The following APBB2 variants were observed in gnomAD, a reference collection of about 807,000 sequenced individuals.
The protein encoded by APBB2 is amyloid beta precursor protein binding family B member 2.
Under a neutral mutation model 82.5 loss-of-function variants are expected in APBB2, and 38 were observed. The observed-to-expected ratio is 0.46, with a 90% confidence interval of 0.36 to 0.60. APBB2 has a LOEUF of 0.60. APBB2 is among the 20% of genes least tolerant of loss of function. The pLI, the probability that APBB2 is intolerant of heterozygous loss-of-function variation, is 0.00. For synonymous variants in APBB2, 341 were observed against 368.2 expected, an observed-to-expected ratio of 0.93 and a Z score of 0.85; for missense variants, 772 against 972.3, an observed-to-expected ratio of 0.79 and a Z score of 2.74.
At chr4:40,838,329 AT>A (rs780767835) in intron 12 of APBB2, among the ~76,000 whole-genome samples, 138 of 72,252 alleles carry the variant, frequency 1.9e-3, no homozygotes, top group African/African-American at 3.3e-3. Flanking sequence ...CACATGGCTA[AT>A]TTTTTTTTTT....
rs1398052534 is a variant in APBB2, at chr4:41,160,781, A to G, written c.-416-17639T>C. 2.0e-5 allele frequency among the ~76,000 whole-genome samples: 3 copies of G among 152,224 alleles called. No individual in the cohort carries two copies. In the East Asian group the frequency reaches 5.8e-4, roughly 29 times the overall value. On this transcript the variant is annotated intron_variant, in intron 1 of 17. Coordinates refer to ENST00000508593, the MANE Select transcript of APBB2 (RefSeq NM_004307.2). ...ATGACAAATGTGCTTAAACCTCAAC[A>G]TGCCTTACAAGAACTGAAAATCCAA...
chr4:40,961,772 A>T (rs558067568), intron 6 of APBB2, among the ~76,000 whole-genome samples: 19 of 146,706 alleles, frequency 1.3e-4, no homozygotes, highest in Non-Finnish European at 2.7e-4. Context: ...ATATAACTTC[A>T]TCGGTTATGA....
At chr4:40,935,202 G>C in intron 7 of APBB2, 63 bp from the exon 8 acceptor site, 30 of 806,644 alleles carry the variant, frequency 3.7e-5, no homozygotes, top group Non-Finnish European at 4.6e-5. Context: ...GAAAAGAAAA[G>C]AAAAAAAAAA....
At chr4:40,985,985 C>A (rs539226422) in intron 6 of APBB2, among the ~76,000 whole-genome samples, 4 of 152,144 alleles carry the variant, frequency 2.6e-5, no homozygotes, top group African/African-American at 9.7e-5. Flanking sequence ...ATAAGTGACA[C>A]ATAAATAACA....
chr4:41,092,545 C>T (rs1443071507), intron 3 of APBB2, among the ~76,000 whole-genome samples: 2 of 152,140 alleles, frequency 1.3e-5, no homozygotes, highest in South Asian at 2.1e-4. Flanking sequence ...AAAAATTAGC[C>T]AGGCATGGTG....
rs888830460 is a variant in APBB2, at chr4:41,136,771, G to T, written c.-261+6216C>A. ...TGTGCCAGAGAAGGGAAATGTCTCT[G>T]CATTTCACCAAGACTTACATTTAGA... On this transcript the variant is annotated intron_variant, in intron 2 of 17. Coordinates refer to ENST00000508593, the MANE Select transcript of APBB2 (RefSeq NM_004307.2). 1.1e-4 allele frequency among the ~76,000 whole-genome samples: 17 copies of T among 152,232 alleles called. 1 individual carries two copies. The highest frequency in any genetic ancestry group is 1.0e-3 in the Admixed American group (16 of 15,286).
intron 12 of APBB2, among the ~76,000 whole-genome samples, chr4:40,854,389 T>G (rs1346580856): frequency 6.6e-6 from 1 of 152,166 alleles, no homozygotes; most frequent in Non-Finnish European, 1.5e-5. Flanking sequence ...CAAAAACCCA[T>G]GAAACGTATA....
In APBB2 at chr4:41,024,121, G is replaced by C. The variant is rs537578374; in HGVS notation, c.19+9115C>G. 7.2e-5 allele frequency among the ~76,000 whole-genome samples: 11 copies of C among 152,284 alleles called. No homozygotes were observed. The East Asian group carries it at 2.1e-3, about 29-fold the overall frequency. The stretch of plus-strand genomic sequence containing the variant: ...TCAATAAATGGTGCTGAAATAACCG[G>C]CTAGCCATATGCAAAAGATTGAAGC... On this transcript the variant is annotated intron_variant, in intron 5 of 17. Coordinates refer to ENST00000508593, the MANE Select transcript of APBB2 (RefSeq NM_004307.2).
intron 10 of APBB2, among the ~76,000 whole-genome samples, chr4:40,930,452 C>CGCGCGCGCGTGTGTGT (rs1553865714): frequency 1.5e-5 from 1 of 68,500 alleles, no homozygotes; most frequent in Non-Finnish European, 2.8e-5. Flanking sequence ...TGTGTGTGCG[C>CGCGCGCGCGTGTGTGT]GCGCGCGCGC....
At chr4:41,082,390 T>G (rs773783113) in intron 3 of APBB2, among the ~76,000 whole-genome samples, 9 of 152,290 alleles carry the variant, frequency 5.9e-5, no homozygotes, top group Admixed American at 1.3e-4. Context: ...ATTCCTTAGC[T>G]CTTGGAACCT....
chr4:41,016,635 G>C (rs968269619), intron 5 of APBB2, among the ~76,000 whole-genome samples: 13 of 151,446 alleles, frequency 8.6e-5, no homozygotes, highest in Admixed American at 6.6e-4. Flanking sequence ...TGGGCAACAA[G>C]AGCAAAACTC....
chr4:40,823,856 C>CT, intron 15 of APBB2, 97 bp from the exon 16 acceptor site: 1 of 736,698 alleles, frequency 1.4e-6, no homozygotes, highest in East Asian at 2.6e-5. Context: ...CCAGACTGAT[C>CT]TTTTTTTAAT....
chr4:40,863,943 G>C (rs1246948751), intron 12 of APBB2, among the ~76,000 whole-genome samples: 1 of 133,154 alleles, frequency 7.5e-6, no homozygotes, highest in African/African-American at 2.8e-5. Context: ...TGGACTAACA[G>C]TAACATTCCC....
rs1466831183 is a variant in APBB2 at position 40,881,314 on chromosome 4, G to A, written c.1529+9050C>T. On this transcript the variant is annotated intron_variant, in intron 12 of 17. Transcript: ENST00000508593. ...ATTAAACTTTCATCAGCAGATCTTGGAATTCCATCAGTCTTTCATTACTGA... is the reference window on the plus strand; with the variant it reads ...ATTAAACTTTCATCAGCAGATCTTGAAATTCCATCAGTCTTTCATTACTGA... 3.0e-6 allele frequency: 3 copies of A among 984,846 alleles called. No individual in the cohort carries two copies. The African/African-American group carries it at 5.3e-5, about 17-fold the overall frequency. The allele number at this position is 984,846 out of a possible 1,614,324, so 61.0% of individuals were successfully genotyped here. A position where few individuals can be genotyped will look rare whatever the true frequency, so the allele number is the denominator to read the frequency against.
chr4:41,210,043 A>C (rs1778948092), intron 1 of APBB2, among the ~76,000 whole-genome samples: 1 of 152,210 alleles, frequency 6.6e-6, no homozygotes, highest in Admixed American at 6.5e-5. Flanking sequence ...ACACATGTGC[A>C]GTTCACAACA....
At chr4:40,917,756 C>T (rs1780200478) in intron 10 of APBB2, among the ~76,000 whole-genome samples, 1 of 152,122 alleles carries the variant, frequency 6.6e-6, no homozygotes, top group South Asian at 2.1e-4. Context: ...GAAGTAGAAG[C>T]TTTGGAATGA....
At chr4:41,117,295 A>AT (rs5857777) in intron 2 of APBB2, among the ~76,000 whole-genome samples, 8,792 of 129,508 alleles carry the variant, frequency 0.068, 457 homozygotes, top group Non-Finnish European at 0.1. Flanking sequence ...TATTATTATT[A>AT]TTTTTTTTTT....
chr4:41,133,643 C>T (rs1026632590), intron 2 of APBB2, among the ~76,000 whole-genome samples: 1 of 152,190 alleles, frequency 6.6e-6, no homozygotes, highest in African/African-American at 2.4e-5. Context: ...AAGGGATTAA[C>T]ATCTACTAGG....
intron 6 of APBB2, among the ~76,000 whole-genome samples, chr4:41,008,071 T>A (rs539620277): frequency 6.6e-6 from 1 of 152,316 alleles, no homozygotes; most frequent in African/African-American, 2.4e-5. Flanking sequence ...CCCTAAAATA[T>A]AATTTTCCAC....
Sources: gnomAD v4.1 joint callset for allele counts (sites outside exome capture counted in the v4.1 genomes callset) on GRCh38, gnomAD v4.1.1 for gene constraint, MANE v1.5 for transcripts, NCBI Gene and HGNC (gene_info 2026-07-23, HGNC 2026-07-21) for gene names.